Variants in ZCCHC10 observed in about 807,000 individuals in gnomAD.
The protein encoded by ZCCHC10 is zinc finger CCHC-type containing 10, also known as zinc finger CCHC domain-containing protein 10.
Under a neutral mutation model 19.5 loss-of-function variants are expected in ZCCHC10, and 16 were observed. The ratio of observed to expected loss-of-function variants is 0.82; its 90% confidence interval spans 0.56 to 1.25. ZCCHC10 has a LOEUF of 1.25. Among genes scored for constraint, ZCCHC10 ranks in the 50% most tolerant of loss-of-function variants. The pLI, the probability that ZCCHC10 is intolerant of heterozygous loss-of-function variation, is 0.00. For missense variants in ZCCHC10, 197 were observed against 201.0 expected (o/e 0.98, Z 0.12); for synonymous variants, 67 against 72.5 (o/e 0.92, Z 0.38).
Position 133,026,545 on chromosome 5 carries a change from C to G in ZCCHC10, c.-8G>C. ...ATGCATGGGAGTCGCCATCTTAGCG[C>G]GGTCAAAGCCGGCCGCGCAGGGTTT... On this transcript the variant is annotated 5_prime_UTR_variant, in exon 1 of 5. Transcript: ENST00000509437. 6.2e-7 allele frequency: 1 copy of G among 1,612,970 alleles called. No homozygotes were observed. The highest frequency in any genetic ancestry group is 8.5e-7 in the Non-Finnish European group (1 of 1,179,586).
intron 1 of ZCCHC10, among the ~76,000 whole-genome samples, chr5:133,024,348 G>A (rs1024177095): frequency 3.9e-5 from 6 of 152,138 alleles, no homozygotes; most frequent in Non-Finnish European, 8.8e-5. Flanking sequence ...ATCAATCAGA[G>A]CTTCACAATC....
At chr5:133,015,077 G>GTTT (rs35057432) in intron 2 of ZCCHC10, among the ~76,000 whole-genome samples, 4,915 of 128,702 alleles carry the variant, frequency 0.038, 435 homozygotes, top group African/African-American at 0.13. Context: ...CCACTGTGAG[G>GTTT]TTTTTTTTTT....
In ZCCHC10 at chr5:133,013,076, A is replaced by T. The variant is rs1453277471; in HGVS notation, c.108-6156T>A. On this transcript the variant is annotated intron_variant, in intron 2 of 4. Transcript: ENST00000509437. The stretch of plus-strand genomic sequence containing the variant: ...AAAAAAAAATTAAAAAAAAAAAAAA[A>T]TAATAAATAAATAAAAATAAAAATA... Among the ~76,000 whole-genome samples the T allele has an allele frequency of 2.1e-5, 3 of 142,318 alleles. No individual in the cohort carries two copies. The East Asian group carries it at 6.1e-4, about 29-fold the overall frequency. 93.4% of individuals were successfully genotyped at this position (142,318 alleles called of 152,430 possible).
At chr5:133,020,100 G>T (rs1764204810) in intron 2 of ZCCHC10, among the ~76,000 whole-genome samples, 1 of 152,164 alleles carries the variant, frequency 6.6e-6, no homozygotes, top group Admixed American at 6.6e-5. Flanking sequence ...GGAAACAGAG[G>T]TGGGAGGATC....
At chr5:133,024,849 G>T (rs1299894262) in intron 1 of ZCCHC10, among the ~76,000 whole-genome samples, 1 of 152,006 alleles carries the variant, frequency 6.6e-6, no homozygotes, top group Non-Finnish European at 1.5e-5. Context: ...GTTGCAGTGA[G>T]CCAAGATCGC....
chr5:133,000,475 G>C (rs13360781), intron 3 of ZCCHC10, among the ~76,000 whole-genome samples: 34,526 of 151,972 alleles, frequency 0.23, 4,061 homozygotes, highest in Non-Finnish European at 0.25. Flanking sequence ...AACTTAGGCT[G>C]ATATAGCTGT....
At chr5:133,003,162 G>C (rs1305030594) in intron 3 of ZCCHC10, 2 of 337,714 alleles carry the variant, frequency 5.9e-6, no homozygotes, top group African/African-American at 4.4e-5. Context: ...ATGCGAAGTT[G>C]ATCCCCCTTT....
chr5:133,000,116 C>T lies in ZCCHC10; in HGVS notation c.311+16G>A. On this transcript the variant is annotated intron_variant, in intron 4 of 4. Transcript: ENST00000509437. ...ATTACATGTTATCTATAAAACACTG[C>T]TAAAACCACACATACCTTTTTTTCT... The T allele has an allele frequency of 6.2e-7, 1 of 1,613,402 alleles. No individual in the cohort carries two copies. Among genetic ancestry groups the T allele is most frequent in the Non-Finnish European group, 8.5e-7 (1 of 1,179,678 alleles).
rs1312443050 is a variant in ZCCHC10 at position 132,999,137 on chromosome 5, C to G, written c.312-287G>C. Among the ~76,000 whole-genome samples the G allele has an allele frequency of 2.0e-5, 3 of 152,090 alleles. No individual in the cohort carries two copies. In the East Asian group the frequency reaches 5.8e-4, roughly 29 times the overall value. On this transcript the variant is annotated intron_variant, in intron 4 of 4. Transcript: ENST00000509437. ...CATCATGTTCACCATGTTGGCCAGG[C>G]TGGTCTCGAACTCCTGACCTCATGA...
chr5:133,021,088 G>C (rs994474343), intron 2 of ZCCHC10, among the ~76,000 whole-genome samples: 1 of 152,248 alleles, frequency 6.6e-6, no homozygotes, highest in East Asian at 1.9e-4. Flanking sequence ...AGTAGAGATG[G>C]GGTTTCACTG....
At chr5:133,015,870 C>T (rs1392179885) in intron 2 of ZCCHC10, among the ~76,000 whole-genome samples, 5 of 152,124 alleles carry the variant, frequency 3.3e-5, no homozygotes. Context: ...ATTTTGTGGG[C>T]TAATACTTGA....
chr5:133,016,395 C>A (rs1357851918), intron 2 of ZCCHC10, among the ~76,000 whole-genome samples: 1 of 152,122 alleles, frequency 6.6e-6, no homozygotes, highest in Non-Finnish European at 1.5e-5. Context: ...AAATTTTTCT[C>A]CGCTTGATCT....
intron 2 of ZCCHC10, chr5:133,011,548 C>T (rs1431472265): frequency 6.7e-6 from 1 of 148,412 alleles, no homozygotes; most frequent in African/African-American, 2.5e-5. Context: ...ATTGCTTGAA[C>T]CTGGGCAGCA....
rs2059781 is a variant in ZCCHC10 at position 133,000,410 on chromosome 5, G to A, written c.270-237C>T. Among the ~76,000 whole-genome samples the A allele has an allele frequency of 2.0e-3, 311 of 152,064 alleles. 7 individuals are homozygous for A. Among genetic ancestry groups the A allele is most frequent in the Admixed American group, 0.017 (267 of 15,272 alleles). On this transcript the variant is annotated intron_variant, in intron 3 of 4. Coordinates refer to ENST00000509437, the MANE Select transcript of ZCCHC10 (RefSeq NM_001300816.3). ...TAAGCAAGACAATGCATCTTAGCAC[G>A]TGTATAAAAGTCAGGTAGGTTAGTA...
At chr5:133,016,200 TG>T (rs1370671878) in intron 2 of ZCCHC10, among the ~76,000 whole-genome samples, 1 of 151,788 alleles carries the variant, frequency 6.6e-6, no homozygotes, top group Non-Finnish European at 1.5e-5. Flanking sequence ...GGAGCCAACA[TG>T]GGGGCACACA....
intron 4 of ZCCHC10, among the ~76,000 whole-genome samples, chr5:132,999,899 C>A (rs547971576): frequency 1.3e-4 from 20 of 152,250 alleles, no homozygotes; most frequent in African/African-American, 4.6e-4. Context: ...AGGCATGTGC[C>A]ACCACACCCA....
intron 2 of ZCCHC10, among the ~76,000 whole-genome samples, chr5:133,012,523 C>T (rs1398419845): frequency 6.6e-6 from 1 of 150,536 alleles, no homozygotes; most frequent in Non-Finnish European, 1.5e-5. Flanking sequence ...ACAAAATGCC[C>T]TTGTAAAAGA....
chr5:133,018,418 G>GA (rs1416390658), intron 2 of ZCCHC10, among the ~76,000 whole-genome samples: 9 of 149,852 alleles, frequency 6.0e-5, no homozygotes, highest in Non-Finnish European at 7.4e-5. Flanking sequence ...TCTTTTTTTT[G>GA]AGACGGAGTC....
Position 133,022,755 on chromosome 5 carries a change from T to C in ZCCHC10, c.107+86A>G, listed in dbSNP as rs138980149. 1.0e-3 allele frequency: 432 copies of C among 430,162 alleles called. 2 individuals are homozygous for C. The highest frequency in any genetic ancestry group is 1.5e-4 in the Non-Finnish European group (36 of 240,814). 26.6% of individuals were successfully genotyped at this position (430,162 alleles called of 1,614,324 possible). ...CATGAGCCACCACGCCCCGGCCTTG[T>C]TCAACATTTTTATAAATGCCTTGTA... On this transcript the variant is annotated intron_variant, in intron 2 of 4. Coordinates refer to ENST00000509437, the MANE Select transcript of ZCCHC10 (RefSeq NM_001300816.3).
Sources: allele counts gnomAD v4.1 joint callset (sites outside exome capture counted in the v4.1 genomes callset), GRCh38; gene constraint gnomAD v4.1.1; transcripts MANE v1.5; gene names NCBI Gene and HGNC (gene_info 2026-07-23, HGNC 2026-07-21).